Variants in RNASE10 observed in about 807,000 individuals in gnomAD.
RNASE10 encodes the protein ribonuclease A family member 10 (inactive).
A neutral mutation model predicts 1.1 loss-of-function variants in RNASE10; 2 were observed. That is an observed-to-expected ratio of 1.82 (90% CI 0.74 to 5.73). RNASE10 has a LOEUF of 5.73. Among genes scored for constraint, RNASE10 ranks in the 30% most tolerant of loss-of-function variants. The pLI is 0.05. For missense variants in RNASE10, 276 were observed against 263.4 expected, an observed-to-expected ratio of 1.05 and a Z score of -0.33; for synonymous variants, 97 against 96.2, an observed-to-expected ratio of 1.01 and a Z score of -0.05.
intron 1 of RNASE10, among the ~76,000 whole-genome samples, chr14:20,507,042 G>T (rs1258683481): frequency 1.3e-5 from 2 of 150,584 alleles, no homozygotes; most frequent in East Asian, 1.9e-4. Context: ...GGTGAGGGGC[G>T]CCTCTGCCCG....
downstream of RNASE10, among the ~76,000 whole-genome samples, chr14:20,513,012 G>A (rs558038717): frequency 6.6e-6 from 1 of 152,284 alleles, no homozygotes; most frequent in East Asian, 1.9e-4. Flanking sequence ...GATCTCCATT[G>A]TATGGAGTGA....
chr14:20,511,094 T>A (rs777065772), exon 2 of RNASE10: 3 of 1,498,426 alleles, frequency 2.0e-6, no homozygotes, highest in East Asian at 2.3e-5. Context: ...TGTAATGACA[T>A]GAAGCGCCAG....
chr14:20,512,038 T>TGAGAAAAAGAGA (rs1882911336), downstream of RNASE10, among the ~76,000 whole-genome samples: 1 of 151,718 alleles, frequency 6.6e-6, no homozygotes, highest in Non-Finnish European at 1.5e-5. Flanking sequence ...GTCAAGAGAA[T>TGAGAAAAAGAGA]GAGAAAAAGA....
chr14:20,512,686 C>G (rs12588356), downstream of RNASE10, among the ~76,000 whole-genome samples: 26,570 of 152,144 alleles, frequency 0.17, 2,890 homozygotes, highest in East Asian at 0.58. Context: ...CAGCAATAAC[C>G]TCTTAGGAAC....
exon 2 of RNASE10, chr14:20,510,978 C>T (rs1319254947): frequency 6.2e-7 from 1 of 1,602,568 alleles, no homozygotes; most frequent in Non-Finnish European, 8.5e-7. Flanking sequence ...GTCACAAAAG[C>T]TCCCGACCTT....
At chr14:20,510,829 A>C in exon 2 of RNASE10, 1 of 1,614,208 alleles carries the variant, frequency 6.2e-7, no homozygotes, top group Non-Finnish European at 8.5e-7. Context: ...TAGAGAATGC[A>C]ATGATATGAT....
At chr14:20,507,153 C>T (rs1197673455) in intron 1 of RNASE10, among the ~76,000 whole-genome samples, 19 of 145,694 alleles carry the variant, frequency 1.3e-4, no homozygotes, top group South Asian at 6.8e-4. Flanking sequence ...ATGACAATGG[C>T]GGTTTTGTGG....
chr14:20,509,731 T>C (rs1882846667), intron 1 of RNASE10, among the ~76,000 whole-genome samples: 1 of 152,118 alleles, frequency 6.6e-6, no homozygotes, highest in South Asian at 2.1e-4. Context: ...ATATTGACAA[T>C]AAGGCTTTCT....
intron 1 of RNASE10, among the ~76,000 whole-genome samples, chr14:20,506,377 C>T (rs1882718083): frequency 7.8e-6 from 1 of 128,348 alleles, no homozygotes; most frequent in Non-Finnish European, 1.7e-5. Context: ...CTCTGCCCGG[C>T]CGCCCCTACT....
At chr14:20,507,546 C>A (rs1465490127) in intron 1 of RNASE10, among the ~76,000 whole-genome samples, 1 of 140,494 alleles carries the variant, frequency 7.1e-6, no homozygotes, top group Non-Finnish European at 1.5e-5. Flanking sequence ...GCTGACCTTC[C>A]CTCCACTATT....
chr14:20,509,035 C>T (rs1882829091), intron 1 of RNASE10, among the ~76,000 whole-genome samples: 1 of 151,968 alleles, frequency 6.6e-6, no homozygotes, highest in African/African-American at 2.4e-5. Context: ...ACTGGCCTAG[C>T]AAGACAAAGA....
upstream of RNASE10, among the ~76,000 whole-genome samples, chr14:20,505,257 G>GCCC (rs1566535764): frequency 3.5e-4 from 34 of 96,930 alleles, 2 homozygotes; most frequent in Middle Eastern, 0.015. Flanking sequence ...GAAAAAGTGA[G>GCCC]TTTGCTCCCT....
downstream of RNASE10, among the ~76,000 whole-genome samples, chr14:20,512,873 C>T (rs1007558324): frequency 2.6e-5 from 4 of 152,022 alleles, no homozygotes; most frequent in Admixed American, 2.6e-4. Flanking sequence ...AAAAGATTAT[C>T]TAAGGTAAGG....
downstream of RNASE10, among the ~76,000 whole-genome samples, chr14:20,511,551 C>T (rs567790024): frequency 3.9e-5 from 6 of 152,114 alleles, no homozygotes; most frequent in Non-Finnish European, 8.8e-5. Context: ...TTCTCTATTG[C>T]GGATGAAGTT....
chr14:20,510,492 G>C, exon 2 of RNASE10: 1 of 1,611,710 alleles, frequency 6.2e-7, no homozygotes, highest in Non-Finnish European at 8.5e-7. Flanking sequence ...ATCTGGTGCA[G>C]ATCTTTTTCA....
downstream of RNASE10, among the ~76,000 whole-genome samples, chr14:20,512,456 T>G (rs919685635): frequency 7.9e-5 from 12 of 152,244 alleles, no homozygotes; most frequent in African/African-American, 2.7e-4. Flanking sequence ...AGTTTTTCTC[T>G]GCTTCACATT....
chr14:20,507,633 A>T (rs61994224), intron 1 of RNASE10, among the ~76,000 whole-genome samples: 1 of 144,802 alleles, frequency 6.9e-6, no homozygotes, highest in Non-Finnish European at 1.5e-5. Flanking sequence ...TAAATAAATA[A>T]ATAAAATTTT....
At chr14:20,511,810 C>T (rs1882906260), downstream of RNASE10, among the ~76,000 whole-genome samples, 1 of 152,128 alleles carries the variant, frequency 6.6e-6, no homozygotes, top group Non-Finnish European at 1.5e-5. Context: ...CATCTCTTAC[C>T]TTTGCTTTTG....
At chr14:20,511,605 C>T (rs868435320), downstream of RNASE10, among the ~76,000 whole-genome samples, 1 of 152,216 alleles carries the variant, frequency 6.6e-6, no homozygotes, top group South Asian at 2.1e-4. Flanking sequence ...CCATGTGGAA[C>T]AGGCTTCCTT....
Sources: allele counts gnomAD v4.1 joint callset (sites outside exome capture counted in the v4.1 genomes callset), GRCh38; gene constraint gnomAD v4.1.1; transcripts MANE v1.5; gene names NCBI Gene and HGNC (gene_info 2026-07-23, HGNC 2026-07-21).